SEMA3A: variants seen among roughly 807,000 people sequenced by gnomAD.
The protein encoded by SEMA3A is semaphorin-3A.
Under a neutral mutation model 97.9 loss-of-function variants are expected in SEMA3A, and 29 were observed. That is an observed-to-expected ratio of 0.30 (90% confidence interval 0.22 to 0.40). The LOEUF is 0.40. Among genes scored for constraint, SEMA3A ranks in the 10% least tolerant of loss-of-function variants. SEMA3A has a pLI of 1.00. For missense variants in SEMA3A, 763 were observed against 951.3 expected, an observed-to-expected ratio of 0.80 and a Z score of 2.60; for synonymous variants, 321 against 323.7, an observed-to-expected ratio of 0.99 and a Z score of 0.09.
At chr7:84,322,445 G>A (rs1584238548) in intron 2 of SEMA3A, among the ~76,000 whole-genome samples, 1 of 151,932 alleles carries the variant, frequency 6.6e-6, no homozygotes, top group Non-Finnish European at 1.5e-5. Flanking sequence ...ATCCCCATGT[G>A]TCAAGGGCAG....
intron 1 of SEMA3A, among the ~76,000 whole-genome samples, chr7:84,141,697 G>T (rs1796296160): frequency 6.6e-6 from 1 of 151,932 alleles, no homozygotes; most frequent in Non-Finnish European, 1.5e-5. Context: ...CTCTGTGTGT[G>T]GTTGTTGTTC....
intron 14 of SEMA3A, among the ~76,000 whole-genome samples, chr7:83,980,637 T>TAC (rs1487680304): frequency 5.1e-5 from 4 of 79,078 alleles, no homozygotes; most frequent in Non-Finnish European, 1.1e-4. Flanking sequence ...TATATATATA[T>TAC]ATACACACAC....
intron 1 of SEMA3A, among the ~76,000 whole-genome samples, chr7:84,486,549 C>A (rs1051441237): frequency 3.3e-5 from 5 of 152,162 alleles, no homozygotes; most frequent in African/African-American, 1.2e-4. Flanking sequence ...ATAGTAACTT[C>A]TCAGAATTCC....
intron 1 of SEMA3A, among the ~76,000 whole-genome samples, chr7:84,425,029 ATTAT>A (rs1262719703): frequency 9.8e-6 from 1 of 101,972 alleles, no homozygotes; most frequent in Non-Finnish European, 1.7e-5. Context: ...TTTATATATA[ATTAT>A]TTATAATTAT....
intron 1 of SEMA3A, 21 bp downstream of exon 1, chr7:84,194,454 T>C (rs1428878994): frequency 6.6e-7 from 1 of 1,513,516 alleles, no homozygotes; most frequent in Non-Finnish European, 9.2e-7. Context: ...GCTAACCAAA[T>C]AAAAGAAAAA....
At chr7:84,471,441 T>C (rs569926379) in intron 1 of SEMA3A, among the ~76,000 whole-genome samples, 1 of 152,242 alleles carries the variant, frequency 6.6e-6, no homozygotes, top group South Asian at 2.1e-4. Flanking sequence ...GTGCAAGATT[T>C]TTAATGAAAT....
intron 3 of SEMA3A, among the ~76,000 whole-genome samples, chr7:84,217,846 G>T (rs1292956891): frequency 6.6e-6 from 1 of 151,992 alleles, no homozygotes; most frequent in Admixed American, 6.6e-5. Flanking sequence ...GGAGGCAGAG[G>T]CAGGAAAATC....
intron 9 of SEMA3A, among the ~76,000 whole-genome samples, chr7:84,008,204 T>G (rs1790741930): frequency 6.6e-6 from 1 of 152,154 alleles, no homozygotes; most frequent in African/African-American, 2.4e-5. Context: ...CAATTTTCCA[T>G]TTTATGGCAG....
intron 3 of SEMA3A, among the ~76,000 whole-genome samples, chr7:84,306,999 A>T (rs1445842995): frequency 6.6e-6 from 1 of 152,070 alleles, no homozygotes; most frequent in Non-Finnish European, 1.5e-5. Flanking sequence ...TCAAATGGCA[A>T]TTCCTACAAA....
chr7:83,974,398 G>A (rs1241312842), intron 15 of SEMA3A, among the ~76,000 whole-genome samples: 1 of 152,046 alleles, frequency 6.6e-6, no homozygotes, highest in African/African-American at 2.4e-5. Flanking sequence ...TAAAACCTCT[G>A]GATGTGTAAA....
At chr7:83,990,247 A>C (rs1200125557) in intron 12 of SEMA3A, among the ~76,000 whole-genome samples, 1 of 151,674 alleles carries the variant, frequency 6.6e-6, no homozygotes, top group Non-Finnish European at 1.5e-5. Context: ...GGTTGCAAAA[A>C]TTTTCTCCCA....
intron 1 of SEMA3A, among the ~76,000 whole-genome samples, chr7:84,162,262 GTTA>G (rs145190618): frequency 1.3e-3 from 192 of 152,264 alleles, no homozygotes; most frequent in African/African-American, 4.5e-3. Flanking sequence ...ACAATTGGAT[GTTA>G]TTATGCTCTG....
intron 6 of SEMA3A, among the ~76,000 whole-genome samples, chr7:84,043,412 TAA>T (rs1261352019): frequency 6.6e-6 from 1 of 152,092 alleles, no homozygotes; most frequent in African/African-American, 2.4e-5. Context: ...GAACAAAAAT[TAA>T]AAGTCATCTA....
chr7:84,223,330 T>C (rs1433168896), intron 3 of SEMA3A, among the ~76,000 whole-genome samples: 1 of 151,832 alleles, frequency 6.6e-6, no homozygotes, highest in Non-Finnish European at 1.5e-5. Context: ...CATGTAAATG[T>C]GTGTGTGTGC....
At chr7:84,278,275 A>G (rs1026274531) in intron 3 of SEMA3A, among the ~76,000 whole-genome samples, 1 of 152,076 alleles carries the variant, frequency 6.6e-6, no homozygotes, top group Non-Finnish European at 1.5e-5. Context: ...AGACCTCCTC[A>G]GCCTAGACTT....
intron 3 of SEMA3A, among the ~76,000 whole-genome samples, chr7:84,226,961 G>T (rs1041193121): frequency 6.6e-6 from 1 of 151,794 alleles, no homozygotes; most frequent in African/African-American, 2.4e-5. Flanking sequence ...ATTATTTAAC[G>T]CTTGAGGATT....
At chr7:84,380,985 G>T (rs1803243230) in intron 1 of SEMA3A, among the ~76,000 whole-genome samples, 1 of 152,086 alleles carries the variant, frequency 6.6e-6, no homozygotes, top group African/African-American at 2.4e-5. Flanking sequence ...AATCAAACCA[G>T]CAAAACTCCT....
intron 3 of SEMA3A, among the ~76,000 whole-genome samples, chr7:84,120,623 G>A (rs1207788974): frequency 6.6e-6 from 1 of 152,066 alleles, no homozygotes; most frequent in African/African-American, 2.4e-5. Flanking sequence ...TCAAAAATCA[G>A]TTATCTGTAC....
intron 3 of SEMA3A, among the ~76,000 whole-genome samples, chr7:84,206,262 G>T (rs1336395796): frequency 2.6e-5 from 4 of 151,136 alleles, no homozygotes; most frequent in Non-Finnish European, 4.4e-5. Context: ...AGTAAAATAA[G>T]CCAATTTTAC....
Sources: gnomAD v4.1 joint callset for allele counts (sites outside exome capture counted in the v4.1 genomes callset) on GRCh38, gnomAD v4.1.1 for gene constraint, MANE v1.5 for transcripts, NCBI Gene and HGNC (gene_info 2026-07-23, HGNC 2026-07-21) for gene names.